Variants in TRARG1 observed in about 807,000 individuals in gnomAD.
TRARG1 encodes trafficking regulator of GLUT4 (SLC2A4) 1 (gene/pseudogene).
TRARG1 carries 16 observed loss-of-function variants against 13.3 expected under a neutral mutation model. The ratio of observed to expected loss-of-function variants is 1.20; its 90% CI spans 0.81 to 1.83. The LOEUF is 1.83. TRARG1 is among the 40% of genes most tolerant of loss of function. The probability of loss-of-function intolerance (pLI) is 0.00; values close to 1 mark genes in which losing one functional copy is unlikely to be tolerated. For missense variants in TRARG1, 250 were observed against 237.4 expected, an observed-to-expected ratio of 1.05 and a Z score of -0.35; for synonymous variants, 113 against 106.2, an observed-to-expected ratio of 1.06 and a Z score of -0.39.
At chr17:1,281,955 C>T (rs182925409) in intron 1 of TRARG1, among the ~76,000 whole-genome samples, 4 of 151,472 alleles carry the variant, frequency 2.6e-5, no homozygotes, top group Non-Finnish European at 5.9e-5. Flanking sequence ...TATGCACATA[C>T]ATGTACATAT....
At chr17:1,296,247 A>G (rs1345031659) in intron 2 of TRARG1, among the ~76,000 whole-genome samples, 1 of 152,160 alleles carries the variant, frequency 6.6e-6, no homozygotes, top group African/African-American at 2.4e-5. Flanking sequence ...CCCAGGCTGG[A>G]GTGCAGTGGT....
Position 1,298,452 on chromosome 17 carries a change from C to T in TRARG1, c.*188C>T, listed in dbSNP as rs967543369. 1.4e-5 allele frequency: 8 copies of T among 587,380 alleles called. No homozygotes were observed. Among genetic ancestry groups the T allele is most frequent in the East Asian group, 1.2e-4 (4 of 34,254 alleles). The allele number at this position is 587,380 out of a possible 1,614,324, so 36.4% of individuals were successfully genotyped here. On this transcript the variant is annotated 3_prime_UTR_variant, in exon 3 of 3. Coordinates refer to ENST00000333813, the MANE Select transcript of TRARG1 (RefSeq NM_172367.3). ...CCCCATCTGACAAGAAAGCCTGGAG[C>T]GAGGAAGGAAAGCACAGCGAACCCA...
chr17:1,299,535 C>T lies in TRARG1; in HGVS notation c.*1271C>T, dbSNP rs1222122111. 1 of 152,182 alleles carries T rather than the reference C, an allele frequency of 6.6e-6. No homozygotes were observed. The highest frequency in any genetic ancestry group is 1.5e-5 in the Non-Finnish European group (1 of 68,074). The allele number at this position is 152,182 out of a possible 1,614,324, so 9.4% of individuals were successfully genotyped here. ...CTCATCTTAGGACCTAATGGGACCCCCGAAAGGAGCCAAGTGGGGCCCTCG... is the reference window on the plus strand; with the variant it reads ...CTCATCTTAGGACCTAATGGGACCCTCGAAAGGAGCCAAGTGGGGCCCTCG... On this transcript the variant is annotated 3_prime_UTR_variant, in exon 3 of 3. Coordinates refer to ENST00000333813, the MANE Select transcript of TRARG1 (RefSeq NM_172367.3).
At chr17:1,282,181 C>T (rs1055720243) in intron 1 of TRARG1, among the ~76,000 whole-genome samples, 12 of 141,402 alleles carry the variant, frequency 8.5e-5, no homozygotes, top group African/African-American at 2.9e-4. Flanking sequence ...TATACACGTG[C>T]GTATATGTAC....
At chr17:1,297,314 G>A (rs1413296725) in intron 2 of TRARG1, among the ~76,000 whole-genome samples, 4 of 152,116 alleles carry the variant, frequency 2.6e-5, no homozygotes. Context: ...GCTTGGGACC[G>A]AAAGCCTGGG....
At chr17:1,290,939 G>A (rs2072064673) in intron 1 of TRARG1, among the ~76,000 whole-genome samples, 1 of 143,162 alleles carries the variant, frequency 7.0e-6, no homozygotes, top group Non-Finnish European at 1.5e-5. Flanking sequence ...GAGTTTCGTT[G>A]TTGTGGCCCA....
At position 1,295,634 on chromosome 17, in the gene TRARG1, G is replaced by C. The variant is rs750524117; in HGVS notation, c.520+11G>C. 2 of 1,605,260 alleles carry C rather than the reference G, an allele frequency of 1.2e-6. No homozygotes were observed. The highest frequency in any genetic ancestry group is 2.2e-5 in the East Asian group (1 of 44,576). Reference sequence around the variant, plus strand: ...CCGTCAACTTCACAGGTGAGACCCAGCTCCTTGGAGAGGAGGAAGCCAGCT... The same window carrying C: ...CCGTCAACTTCACAGGTGAGACCCACCTCCTTGGAGAGGAGGAAGCCAGCT... On this transcript the variant is annotated intron_variant, in intron 2 of 2. Coordinates refer to ENST00000333813, the MANE Select transcript of TRARG1 (RefSeq NM_172367.3).
chr17:1,295,908 G>A (rs1420440180), intron 2 of TRARG1, among the ~76,000 whole-genome samples: 3 of 152,250 alleles, frequency 2.0e-5, no homozygotes, highest in African/African-American at 7.2e-5. Context: ...TCCAGCTTCA[G>A]CTCTGATGGG....
chr17:1,287,931 G>A (rs2072035490), intron 1 of TRARG1, among the ~76,000 whole-genome samples: 1 of 152,010 alleles, frequency 6.6e-6, no homozygotes, highest in African/African-American at 2.4e-5. Flanking sequence ...GGGATTACAG[G>A]CGTGAGCCAC....
chr17:1,293,483 GAGTTTGATGA>G (rs1202454193), intron 1 of TRARG1, among the ~76,000 whole-genome samples: 9 of 151,428 alleles, frequency 5.9e-5, no homozygotes, highest in Non-Finnish European at 1.2e-4. Flanking sequence ...GTCGTGGGTT[GAGTTTGATGA>G]TGTCGTGGGT....
chr17:1,290,926 C>T (rs1357095598), intron 1 of TRARG1, among the ~76,000 whole-genome samples: 1 of 145,080 alleles, frequency 6.9e-6, no homozygotes, highest in Non-Finnish European at 1.5e-5. Context: ...TTTTTCTGAG[C>T]CAGAGTTTCG....
At chr17:1,282,276 G>GTA (rs113574215) in intron 1 of TRARG1, among the ~76,000 whole-genome samples, 3,879 of 67,814 alleles carry the variant, frequency 0.057, 654 homozygotes, top group African/African-American at 0.18. Flanking sequence ...ATATATGCAC[G>GTA]TATATGTACA....
chr17:1,282,668 C>T (rs971409863), intron 1 of TRARG1, among the ~76,000 whole-genome samples: 37 of 151,570 alleles, frequency 2.4e-4, no homozygotes, highest in African/African-American at 9.0e-4. Flanking sequence ...TGAACCTGGC[C>T]TGTTTCTATA....
At chr17:1,286,508 G>A (rs1406416817) in intron 1 of TRARG1, among the ~76,000 whole-genome samples, 391 of 118,700 alleles carry the variant, frequency 3.3e-3, no homozygotes, top group African/African-American at 0.011. Flanking sequence ...TCAGCCTGTG[G>A]GGTGTTATCG....
At position 1,296,036 on chromosome 17, in the gene TRARG1, T is replaced by C. The variant is rs2072108478; in HGVS notation, c.520+413T>C. Reference sequence around the variant, plus strand: ...CATCACCCGAGATAAAGGACGTGACTGTGCTTTGTAAACACTAAAATCCCT... The same window carrying C: ...CATCACCCGAGATAAAGGACGTGACCGTGCTTTGTAAACACTAAAATCCCT... On this transcript the variant is annotated intron_variant, in intron 2 of 2. Transcript: ENST00000333813. Among the ~76,000 whole-genome samples the C allele has an allele frequency of 2.0e-5, 3 of 152,168 alleles. No individual in the cohort carries two copies. In the South Asian group the frequency reaches 6.2e-4, roughly 32 times the overall value.
intron 1 of TRARG1, among the ~76,000 whole-genome samples, chr17:1,282,094 A>T (rs1299416825): frequency 8.8e-6 from 1 of 113,530 alleles, no homozygotes; most frequent in Non-Finnish European, 1.9e-5. Flanking sequence ...GTACATATAT[A>T]CGTATATGTG....
At chr17:1,286,448 AG>A (rs2072022812) in intron 1 of TRARG1, among the ~76,000 whole-genome samples, 1 of 55,682 alleles carries the variant, frequency 1.8e-5, no homozygotes, top group African/African-American at 8.1e-5. Context: ...TCGGCCTGTG[AG>A]TTGTTATCGG....
In TRARG1 at chr17:1,280,082, G is replaced by A. The variant is rs1478818282; in HGVS notation, c.81G>A (p.Glu27=). The part of the protein sequence containing the change: ...SAAFLDLPEM[E]ILLTKAENKD... ...CATTCCTGGACCTGCCGGAGATGGAGATACTCCTCACCAAGGCAGAGAACA... is the reference window on the plus strand; with the variant it reads ...CATTCCTGGACCTGCCGGAGATGGAAATACTCCTCACCAAGGCAGAGAACA... The change falls in exon 1 of 3, where the codon GAG becomes GAA. Residue 27 remains glutamate (E), a synonymous_variant. Coordinates refer to ENST00000333813, the MANE Select transcript of TRARG1 (RefSeq NM_172367.3). 1.9e-6 allele frequency: 3 copies of A among 1,613,576 alleles called. No individual in the cohort carries two copies. Among genetic ancestry groups the A allele is most frequent in the Non-Finnish European group, 2.5e-6 (3 of 1,180,032 alleles).
intron 1 of TRARG1, among the ~76,000 whole-genome samples, chr17:1,287,310 A>G (rs547907886): frequency 6.6e-6 from 1 of 152,012 alleles, no homozygotes; most frequent in East Asian, 1.9e-4. Context: ...TACCTACTAA[A>G]TGTTAGGTAC....
Sources: gnomAD v4.1 joint callset for allele counts (sites outside exome capture counted in the v4.1 genomes callset) on GRCh38, gnomAD v4.1.1 for gene constraint, MANE v1.5 for transcripts, NCBI Gene and HGNC (gene_info 2026-07-23, HGNC 2026-07-21) for gene names.